The following SMARCD1 variants were observed in gnomAD, a reference collection of about 807,000 sequenced individuals.
SMARCD1 encodes the protein SWI/SNF-related matrix-associated actin-dependent regulator of chromatin subfamily D member 1.
In SMARCD1, 16 loss-of-function variants were observed where a neutral mutation model predicts 70.8. That is an observed-to-expected ratio of 0.23 (90% CI 0.15 to 0.34). SMARCD1 has a LOEUF of 0.34. Among genes scored for constraint, SMARCD1 ranks in the 10% least tolerant of loss-of-function variants. SMARCD1 has a pLI of 1.00. For missense variants in SMARCD1, 409 were observed against 655.5 expected (o/e 0.62, Z 4.11); for synonymous variants, 249 against 246.0 (o/e 1.01, Z -0.11).
chr12:50,099,104 G>A lies in SMARCD1; in HGVS notation c.*104G>A, dbSNP rs138222031. The A allele has an allele frequency of 4.2e-4, 433 of 1,034,078 alleles. No homozygotes were observed. In the African/African-American group the frequency reaches 6.4e-3, roughly 15 times the overall value. The allele number at this position is 1,034,078 out of a possible 1,614,324, so 64.1% of individuals were successfully genotyped here. A position where few individuals can be genotyped will look rare whatever the true frequency, so the allele number is the denominator to read the frequency against. On this transcript the variant is annotated 3_prime_UTR_variant, in exon 13 of 13. Coordinates refer to ENST00000394963, the MANE Select transcript of SMARCD1 (RefSeq NM_003076.5). ...TGGTCTTGCTTGGGGCGTTCCAGGG[G>A]ATGCTGTTGGTTCAAGGACAACACC... is the stretch of plus-strand genomic sequence containing the variant.
At chr12:50,087,257 A>T (rs776370700) in intron 4 of SMARCD1, 106 bp from the exon 5 acceptor site, 13 of 1,364,176 alleles carry the variant, frequency 9.5e-6, no homozygotes, top group Non-Finnish European at 1.3e-5. Flanking sequence ...GACTGGGTAG[A>T]CAGTAAGCCA....
chr12:50,086,391 G>A, intron 2 of SMARCD1, 43 bp downstream of exon 2: 2 of 1,430,316 alleles, frequency 1.4e-6, no homozygotes, highest in South Asian at 2.5e-5. Flanking sequence ...AGGGAGCCTG[G>A]GAGGACACAG....
chr12:50,098,865 C>A (rs764498216), intron 12 of SMARCD1, 50 bp downstream of exon 12: 1 of 1,599,302 alleles, frequency 6.3e-7, no homozygotes, highest in East Asian at 2.2e-5. Context: ...ACGGGGTTTT[C>A]ACCCCTGATG....
intron 7 of SMARCD1, 101 bp from the exon 8 acceptor site, chr12:50,090,140 T>G: frequency 7.3e-7 from 1 of 1,374,844 alleles, no homozygotes; most frequent in Non-Finnish European, 1.0e-6. Flanking sequence ...AATTTTTCTG[T>G]CCCAGAAAAA....
intron 10 of SMARCD1, among the ~76,000 whole-genome samples, chr12:50,095,409 C>G (rs1020029821): frequency 2.0e-5 from 3 of 152,034 alleles, no homozygotes; most frequent in Admixed American, 6.5e-5. Context: ...TCACTACGAC[C>G]TCCGCCTCCT....
chr12:50,097,422 C>T (rs755832170), intron 11 of SMARCD1, among the ~76,000 whole-genome samples: 1 of 151,468 alleles, frequency 6.6e-6, no homozygotes, highest in Non-Finnish European at 1.5e-5. Context: ...CGTGGTGGTG[C>T]GCGCCTGTAA....
intron 11 of SMARCD1, among the ~76,000 whole-genome samples, chr12:50,097,383 T>A (rs1373839704): frequency 2.0e-5 from 3 of 151,682 alleles, no homozygotes; most frequent in Admixed American, 6.6e-5. Context: ...AAACCCCGTC[T>A]CCACTAAAAA....
intron 9 of SMARCD1, among the ~76,000 whole-genome samples, chr12:50,093,063 C>A (rs1011957345): frequency 1.3e-5 from 2 of 151,744 alleles, no homozygotes; most frequent in African/African-American, 2.4e-5. Flanking sequence ...GTAGTCCCAG[C>A]TACTTGGGAG....
intron 4 of SMARCD1, 29 bp from the exon 5 acceptor site, chr12:50,087,334 A>G: frequency 8.7e-6 from 14 of 1,611,046 alleles, no homozygotes; most frequent in Non-Finnish European, 1.2e-5. Context: ...CTGAAGCCCC[A>G]CGATCAATCC....
chr12:50,095,748 G>A (rs1425444997), intron 10 of SMARCD1, among the ~76,000 whole-genome samples: 1 of 152,210 alleles, frequency 6.6e-6, no homozygotes, highest in African/African-American at 2.4e-5. Flanking sequence ...AAGGTCCAGA[G>A]AAGAGAGAGA....
At chr12:50,098,856 CG>C in intron 12 of SMARCD1, 41 bp downstream of exon 12, 1 of 1,602,936 alleles carries the variant, frequency 6.2e-7, no homozygotes, top group African/African-American at 1.3e-5. Context: ...ACAAAAGGCA[CG>C]GGGTTTTCAC....
rs756829509 is a variant in SMARCD1, at chr12:50,096,941, A to T, written c.1361A>T (p.Asp454Val). 1 of 1,614,060 alleles carries T rather than the reference A, an allele frequency of 6.2e-7. No homozygotes were observed. The highest frequency in any genetic ancestry group is 8.5e-7 in the Non-Finnish European group (1 of 1,179,910). ...FARDPQGFIN[D>V]WLQSQCRDLK... The stretch of plus-strand genomic sequence containing the variant: ...AGAGACCCTCAGGGTTTCATCAATG[A>T]CTGGCTTCAGTCCCAGTGCAGGGAC... Residue 454 changes from aspartate to valine, a missense_variant, in exon 11 of 13, where the codon GAC becomes GTC. Around this residue, in one of 2 missense-constraint regions of SMARCD1, gnomAD observed 269 missense variants for 498.6 expected, o/e 0.54. Coordinates refer to ENST00000394963, the MANE Select transcript of SMARCD1 (RefSeq NM_003076.5).
At chr12:50,091,053 C>T (rs1369825799) in intron 9 of SMARCD1, among the ~76,000 whole-genome samples, 1 of 151,564 alleles carries the variant, frequency 6.6e-6, no homozygotes, top group Non-Finnish European at 1.5e-5. Flanking sequence ...CTCAATCTGA[C>T]CTCGTGATCT....
intron 9 of SMARCD1, among the ~76,000 whole-genome samples, chr12:50,091,068 G>A (rs1031113325): frequency 5.9e-5 from 9 of 151,578 alleles, no homozygotes; most frequent in African/African-American, 1.7e-4. Context: ...TGATCTGCCC[G>A]CCGAGCCTCG....
intron 10 of SMARCD1, among the ~76,000 whole-genome samples, chr12:50,095,447 C>T (rs965522712): frequency 1.3e-5 from 2 of 152,090 alleles, no homozygotes; most frequent in Admixed American, 6.5e-5. Flanking sequence ...CTGTCTCAGC[C>T]TCCTGAGTAG....
At chr12:50,088,830 G>GT (rs1215459537) in intron 6 of SMARCD1, 193 bp downstream of exon 6, 44 of 373,140 alleles carry the variant, frequency 1.2e-4, no homozygotes, top group Middle Eastern at 5.6e-4. Context: ...AAGGGCTCTT[G>GT]TAACCTAACT....
chr12:50,085,601 A>T (rs566006926), intron 1 of SMARCD1, 55 bp downstream of exon 1: 35 of 827,722 alleles, frequency 4.2e-5, no homozygotes, highest in East Asian at 1.4e-4. Flanking sequence ...GAGCGGGGAC[A>T]TGGGAGTGAC....
At chr12:50,090,113 C>T (rs1950827855) in intron 7 of SMARCD1, 128 bp downstream of exon 7, 2 of 1,286,334 alleles carry the variant, frequency 1.6e-6, no homozygotes, top group African/African-American at 1.5e-5. Context: ...TCTTAGTCAT[C>T]TCTGAGTTCT....
intron 1 of SMARCD1, chr12:50,085,770 T>G (rs1158574886): frequency 2.4e-6 from 1 of 410,196 alleles, no homozygotes; most frequent in Non-Finnish European, 4.2e-6. Flanking sequence ...CCTGGGTGGG[T>G]GAAGTGGGTC....
Sources: allele counts gnomAD v4.1 joint callset (sites outside exome capture counted in the v4.1 genomes callset), GRCh38; gene constraint gnomAD v4.1.1; regional missense constraint gnomAD v4.1.1; transcripts MANE v1.5; gene names NCBI Gene and HGNC (gene_info 2026-07-23, HGNC 2026-07-21).